CTNNA2: variants seen among roughly 807,000 people sequenced by gnomAD.
CTNNA2 encodes the protein catenin alpha 2.
A neutral mutation model predicts 101.0 loss-of-function variants in CTNNA2; 42 were observed. That is an observed-to-expected ratio of 0.42 (90% CI 0.32 to 0.54). The LOEUF is 0.54. CTNNA2 is among the 20% of genes least tolerant of loss of function. The pLI is 0.14. For synonymous variants in CTNNA2, 450 were observed against 456.4 expected (o/e 0.99, Z 0.18); for missense variants, 871 against 1,223.1 (o/e 0.71, Z 4.29).
intron 7 of CTNNA2, among the ~76,000 whole-genome samples, chr2:80,206,305 A>T (rs1707529190): frequency 1.3e-5 from 2 of 152,230 alleles, no homozygotes; most frequent in African/African-American, 4.8e-5. Context: ...GTAGACCCCA[A>T]GGAATCCTTG....
At chr2:79,813,222 C>T (rs1379072006) in intron 3 of CTNNA2, among the ~76,000 whole-genome samples, 3 of 152,214 alleles carry the variant, frequency 2.0e-5, no homozygotes, top group African/African-American at 7.2e-5. Flanking sequence ...ATCCTGGGCA[C>T]ACTCCTTGCT....
intron 18 of CTNNA2, among the ~76,000 whole-genome samples, chr2:80,625,239 C>A (rs1671561295): frequency 6.6e-6 from 1 of 151,956 alleles, no homozygotes; most frequent in African/African-American, 2.4e-5. Flanking sequence ...ATAGCAATAG[C>A]TACTCAGAGG....
At chr2:80,146,355 G>A (rs75887616) in intron 7 of CTNNA2, among the ~76,000 whole-genome samples, 6,943 of 152,086 alleles carry the variant, frequency 0.046, 500 homozygotes, top group African/African-American at 0.15. Context: ...CTCATCAATC[G>A]ATTCAATAGA....
At chr2:79,922,980 T>C (rs559132075) in intron 7 of CTNNA2, among the ~76,000 whole-genome samples, 1 of 152,268 alleles carries the variant, frequency 6.6e-6, no homozygotes, top group African/African-American at 2.4e-5. Flanking sequence ...AATGTGTATA[T>C]TTTGAATCCC....
At chr2:80,139,374 G>T (rs907531412) in intron 7 of CTNNA2, among the ~76,000 whole-genome samples, 1 of 152,026 alleles carries the variant, frequency 6.6e-6, no homozygotes, top group Non-Finnish European at 1.5e-5. Context: ...AGAGTTTCAA[G>T]GATGTTGCTC....
intron 3 of CTNNA2, among the ~76,000 whole-genome samples, chr2:79,807,591 C>A (rs1676677871): frequency 6.6e-6 from 1 of 152,034 alleles, no homozygotes; most frequent in African/African-American, 2.4e-5. Context: ...ATTCAGTGTT[C>A]AAACATTATA....
chr2:79,284,585 C>G (rs1476161512), intron 2 of CTNNA2, among the ~76,000 whole-genome samples: 1 of 150,122 alleles, frequency 6.7e-6, no homozygotes, highest in African/African-American at 2.4e-5. Flanking sequence ...TATATTGAAC[C>G]AGCCTTGCAT....
intron 1 of CTNNA2, among the ~76,000 whole-genome samples, chr2:79,618,469 A>G (rs1678783858): frequency 6.6e-6 from 1 of 152,096 alleles, no homozygotes; most frequent in Admixed American, 6.6e-5. Context: ...ATTTTTTTTA[A>G]TGGGAGGTTT....
At chr2:80,035,113 C>T (rs1003762960) in intron 7 of CTNNA2, among the ~76,000 whole-genome samples, 1 of 151,974 alleles carries the variant, frequency 6.6e-6, no homozygotes, top group African/African-American at 2.4e-5. Context: ...GAATGTGGCC[C>T]CTCCCTATGT....
intron 3 of CTNNA2, among the ~76,000 whole-genome samples, chr2:79,806,227 T>TAA (rs11394648): frequency 0.011 from 1,709 of 149,636 alleles, 54 homozygotes; most frequent in East Asian, 0.1. Flanking sequence ...GAGTTTTATT[T>TAA]AAAAAAAAAA....
At chr2:80,116,640 G>A (rs779455644) in intron 7 of CTNNA2, among the ~76,000 whole-genome samples, 1 of 152,110 alleles carries the variant, frequency 6.6e-6, no homozygotes, top group Non-Finnish European at 1.5e-5. Flanking sequence ...AGAGAAGAGA[G>A]CACCCTTGGG....
intron 1 of CTNNA2, among the ~76,000 whole-genome samples, chr2:79,537,285 C>A (rs1162626271): frequency 6.6e-6 from 1 of 152,168 alleles, no homozygotes; most frequent in Non-Finnish European, 1.5e-5. Flanking sequence ...AGCCTGTAAG[C>A]AAATGTTTCC....
intron 3 of CTNNA2, among the ~76,000 whole-genome samples, chr2:79,763,124 TC>T (rs1358245840): frequency 2.6e-5 from 4 of 152,188 alleles, no homozygotes; most frequent in Admixed American, 1.3e-4. Context: ...AATTTGGCTC[TC>T]CCCTTTTATC....
chr2:79,950,930 G>T (rs1163152070), intron 7 of CTNNA2, among the ~76,000 whole-genome samples: 1 of 152,080 alleles, frequency 6.6e-6, no homozygotes, highest in East Asian at 1.9e-4. Context: ...CTAAAAGTTT[G>T]AAATCTCTAA....
intron 18 of CTNNA2, among the ~76,000 whole-genome samples, chr2:80,625,685 A>G (rs1284480077): frequency 1.3e-5 from 2 of 152,000 alleles, no homozygotes; most frequent in Admixed American, 6.6e-5. Context: ...TAGCTTCTTT[A>G]TCATCCTTTC....
At chr2:79,276,987 G>T (rs1229676545) in intron 2 of CTNNA2, among the ~76,000 whole-genome samples, 1 of 152,044 alleles carries the variant, frequency 6.6e-6, no homozygotes, top group Admixed American at 6.6e-5. Context: ...CATTGTGTTT[G>T]CTATTTTACA....
chr2:80,133,359 A>G (rs1458277506), intron 7 of CTNNA2, among the ~76,000 whole-genome samples: 2 of 152,176 alleles, frequency 1.3e-5, no homozygotes, highest in Non-Finnish European at 2.9e-5. Context: ...TGTTGTTTTA[A>G]GCCACCCAGT....
intron 9 of CTNNA2, among the ~76,000 whole-genome samples, chr2:80,421,802 CAAAAAAA>C (rs754594979): frequency 1.5e-5 from 1 of 67,032 alleles, no homozygotes; most frequent in Non-Finnish European, 3.3e-5. Flanking sequence ...TGCATATATA[CAAAAAAA>C]AAAAAAAAAA....
chr2:79,596,718 C>T (rs1464731997), intron 1 of CTNNA2, among the ~76,000 whole-genome samples: 1 of 152,170 alleles, frequency 6.6e-6, no homozygotes, highest in Non-Finnish European at 1.5e-5. Flanking sequence ...ACACATTTTT[C>T]CATTTCTCTC....
Sources: allele counts gnomAD v4.1 joint callset (sites outside exome capture counted in the v4.1 genomes callset), GRCh38; gene constraint gnomAD v4.1.1; transcripts MANE v1.5; gene names NCBI Gene and HGNC (gene_info 2026-07-23, HGNC 2026-07-21).